PIP5K1C: variants seen among roughly 807,000 people sequenced by gnomAD.
PIP5K1C encodes phosphatidylinositol 4-phosphate 5-kinase type-1 gamma.
PIP5K1C carries 45 observed loss-of-function variants against 80.1 expected under a neutral mutation model. That is an observed-to-expected ratio of 0.56 (90% CI 0.44 to 0.72). PIP5K1C has a LOEUF of 0.72. Ranked by LOEUF, PIP5K1C falls within the 30% of genes least tolerant of loss-of-function variation. The probability of loss-of-function intolerance (pLI) is 0.00; values close to 1 mark genes in which losing one functional copy is unlikely to be tolerated. For missense variants in PIP5K1C, 753 were observed against 954.6 expected, an observed-to-expected ratio of 0.79 and a Z score of 2.78; for synonymous variants, 498 against 420.1, an observed-to-expected ratio of 1.19 and a Z score of -2.27.
Position 3,688,801 on chromosome 19 carries a change from GA to G in PIP5K1C, c.94+11495del, listed in dbSNP as rs1390205332. Among the ~76,000 whole-genome samples the G allele has an allele frequency of 2.0e-5, 3 of 152,056 alleles. No individual in the cohort carries two copies. The highest frequency in any genetic ancestry group is 1.3e-4 in the Admixed American group (2 of 15,264). On this transcript the variant is annotated intron_variant, in intron 1 of 17. Coordinates refer to ENST00000335312, the MANE Select transcript of PIP5K1C (RefSeq NM_012398.3). The surrounding 1 kb of genome is among the most constrained non-coding windows in gnomAD (Gnocchi z 5.3). ...GACACACCGAGCTGGTGGGCCGGGG[GA>G]GGGGGACCCACACCCACGTCGCCAT...
At chr19:3,653,627 G>T in intron 6 of PIP5K1C, 38 bp from the exon 7 acceptor site, 1 of 1,579,238 alleles carries the variant, frequency 6.3e-7, no homozygotes, top group East Asian at 2.2e-5. Flanking sequence ...AGGGCGGCTG[G>T]GCCACAGACT....
At chr19:3,678,782 G>A (rs1312079213) in intron 1 of PIP5K1C, among the ~76,000 whole-genome samples, 1 of 134,444 alleles carries the variant, frequency 7.4e-6, no homozygotes, top group Non-Finnish European at 1.6e-5. Flanking sequence ...ACGGAGGGAG[G>A]GATGGAGGGA....
chr19:3,685,651 A>G (rs2035737892), intron 1 of PIP5K1C, among the ~76,000 whole-genome samples: 1 of 151,416 alleles, frequency 6.6e-6, no homozygotes, highest in Middle Eastern at 3.2e-3. Flanking sequence ...AATGGCGTGA[A>G]CCCGGGAGGC....
intron 1 of PIP5K1C, among the ~76,000 whole-genome samples, chr19:3,671,317 C>T (rs1395232254): frequency 2.0e-5 from 3 of 152,270 alleles, no homozygotes; most frequent in Non-Finnish European, 2.9e-5. Flanking sequence ...CTCCCTACGG[C>T]CCCGGGACCC....
chr19:3,644,791 G>A (rs946187334), intron 11 of PIP5K1C, among the ~76,000 whole-genome samples: 3 of 152,196 alleles, frequency 2.0e-5, no homozygotes, highest in East Asian at 1.9e-4. Context: ...GTGATGTCCC[G>A]CACAGGGCCA....
In PIP5K1C at chr19:3,648,451, C is replaced by T. The variant is rs766209826; in HGVS notation, c.1211+174G>A. Reference sequence around the variant, plus strand: ...CGGCTGTTTCCACGGGCAAGCGCCTCTGTGCATGGGTGTCCTGGGGGCGCC... The same window carrying T: ...CGGCTGTTTCCACGGGCAAGCGCCTTTGTGCATGGGTGTCCTGGGGGCGCC... On this transcript the variant is annotated intron_variant, in intron 9 of 17. Coordinates refer to ENST00000335312, the MANE Select transcript of PIP5K1C (RefSeq NM_012398.3). This position sits in a 1 kb window ranked among gnomAD's most constrained non-coding sequence, Gnocchi z 4.3. Among the ~76,000 whole-genome samples the T allele has an allele frequency of 3.2e-4, 48 of 152,186 alleles. No homozygotes were observed. Among genetic ancestry groups the T allele is most frequent in the Non-Finnish European group, 5.7e-4 (39 of 68,026 alleles).
chr19:3,655,881 C>G (rs2034606391), intron 6 of PIP5K1C, among the ~76,000 whole-genome samples: 2 of 152,224 alleles, frequency 1.3e-5, no homozygotes, highest in Admixed American at 6.5e-5. Context: ...CTCCTACTCC[C>G]CCCTCCCGGG....
Position 3,656,386 on chromosome 19 carries a change from C to T in PIP5K1C, c.621+19G>A, listed in dbSNP as rs751079884. The T allele has an allele frequency of 1.9e-5, 31 of 1,612,722 alleles. No individual in the cohort carries two copies. Among genetic ancestry groups the T allele is most frequent in the African/African-American group, 5.3e-5 (4 of 74,936 alleles). ...GGGTTGACCGAGGAGCCATCTGCCCCGCAGGGCGGGCCACGCACCATGTAG... is the reference window on the plus strand; with the variant it reads ...GGGTTGACCGAGGAGCCATCTGCCCTGCAGGGCGGGCCACGCACCATGTAG... On this transcript the variant is annotated intron_variant, in intron 6 of 17. Transcript: ENST00000335312.
intron 5 of PIP5K1C, among the ~76,000 whole-genome samples, chr19:3,657,178 CT>C (rs1334840063): frequency 6.6e-6 from 1 of 152,198 alleles, no homozygotes; most frequent in African/African-American, 2.4e-5. Context: ...TTCTCTGCCC[CT>C]TTTTCTCAGC....
Position 3,664,907 on chromosome 19 carries a change from G to A in PIP5K1C, c.134C>T (p.Ser45Phe). The A allele has an allele frequency of 6.2e-7, 1 of 1,612,792 alleles. No individual in the cohort carries two copies. The highest frequency in any genetic ancestry group is 8.5e-7 in the Non-Finnish European group (1 of 1,179,650). Residue 45 changes from serine (S) to phenylalanine (F), a missense_variant, in exon 3 of 18, where the codon TCC becomes TTC. This residue lies in a region of PIP5K1C where 78 missense variants were observed against 67.1 expected (regional missense o/e 1.16). Coordinates refer to ENST00000335312, the MANE Select transcript of PIP5K1C (RefSeq NM_012398.3). ...QKKAAPTEVL[S>F]MTAQPGPGHG... is the part of the protein sequence containing the mutation. ...GCCAGGGCCCGGCTGTGCCGTCATG[G>A]ACAGAACCTGGGAAGAGGAAGCAGG... is the stretch of plus-strand genomic sequence containing the variant.
chr19:3,634,837 C>T (rs2033611477), intron 16 of PIP5K1C, among the ~76,000 whole-genome samples: 1 of 152,252 alleles, frequency 6.6e-6, no homozygotes, highest in South Asian at 2.1e-4. Flanking sequence ...TGTTCCCGGG[C>T]CCTGGGCACC....
At chr19:3,668,896 C>T (rs2035109079) in intron 1 of PIP5K1C, among the ~76,000 whole-genome samples, 2 of 152,196 alleles carry the variant, frequency 1.3e-5, no homozygotes, top group Admixed American at 1.3e-4. Flanking sequence ...GTGGCTGAGG[C>T]AGCCACGCTG....
chr19:3,687,859 T>C (rs2035812398), intron 1 of PIP5K1C, among the ~76,000 whole-genome samples: 1 of 152,074 alleles, frequency 6.6e-6, no homozygotes, highest in Non-Finnish European at 1.5e-5. Context: ...GCCAGGCCGG[T>C]AAACAGGAAG....
intron 7 of PIP5K1C, among the ~76,000 whole-genome samples, chr19:3,652,655 A>G (rs79279908): frequency 0.032 from 4,822 of 152,318 alleles, 89 homozygotes; most frequent in Middle Eastern, 0.058. Context: ...AGAGCCGTGC[A>G]TATCATTCTT....
rs1230830352 is a variant in PIP5K1C, at chr19:3,661,975, G to A, written c.246C>T (p.Ala82=). 1 of 1,606,870 alleles carries A rather than the reference G, an allele frequency of 6.2e-7. No individual in the cohort carries two copies. The highest frequency in any genetic ancestry group is 2.2e-5 in the East Asian group (1 of 44,566). The change falls in exon 4 of 18, where the codon GCC becomes GCT. Residue 82 remains alanine (A), a synonymous_variant. Coordinates refer to ENST00000335312, the MANE Select transcript of PIP5K1C (RefSeq NM_012398.3). ...KKTTSSTLKG[A]IQLGIGYTVG... is the part of the protein sequence containing the mutation. ...CGGTGTAGCCGATGCCCAGCTGGAT[G>A]GCACCCTTCAGGGTGGAGGAGGTGG...
Position 3,700,440 on chromosome 19 carries a change from A to ACCG in PIP5K1C, c.-53_-51dup. On this transcript the variant is annotated 5_prime_UTR_variant, in exon 1 of 18. Coordinates refer to ENST00000335312, the MANE Select transcript of PIP5K1C (RefSeq NM_012398.3). ...GCGCCCGAGGGGGACCCGAGCTGCG[A>ACCG]CCGCCGCCGCCGAACAACAAGCGCC... The ACCG allele has an allele frequency of 1.0e-6, 1 of 974,588 alleles. No individual in the cohort carries two copies. The highest frequency in any genetic ancestry group is 1.2e-6 in the Non-Finnish European group (1 of 809,914). 60.4% of individuals were successfully genotyped at this position (974,588 alleles called of 1,614,324 possible).
chr19:3,699,840 C>A (rs1276831371), intron 1 of PIP5K1C, among the ~76,000 whole-genome samples: 1 of 152,202 alleles, frequency 6.6e-6, no homozygotes, highest in Admixed American at 6.5e-5. Context: ...CCCTTTTCCT[C>A]CCCTCATTTT....
At chr19:3,676,532 C>CCTCT (rs2035365429) in intron 1 of PIP5K1C, among the ~76,000 whole-genome samples, 1 of 152,234 alleles carries the variant, frequency 6.6e-6, no homozygotes, top group African/African-American at 2.4e-5. Context: ...GGCACACTCG[C>CCTCT]CTCTGCCTTC....
chr19:3,643,493 G>A lies in PIP5K1C; in HGVS notation c.1511-112C>T, dbSNP rs111959359. The A allele has an allele frequency of 1.3e-4, 167 of 1,308,964 alleles. No homozygotes were observed. The African/African-American group carries it at 2.0e-3, about 16-fold the overall frequency. The allele number at this position is 1,308,964 out of a possible 1,614,324, so 81.1% of individuals were successfully genotyped here. Reference sequence around the variant, plus strand: ...GGAACCCACAGCCCAGTGCCCGCCCGCCTCCCAGACACTCCCACCTCCCCA... The same window carrying A: ...GGAACCCACAGCCCAGTGCCCGCCCACCTCCCAGACACTCCCACCTCCCCA... On this transcript the variant is annotated intron_variant, in intron 12 of 17. Coordinates refer to ENST00000335312, the MANE Select transcript of PIP5K1C (RefSeq NM_012398.3).
Sources: gnomAD v4.1 joint callset for allele counts (sites outside exome capture counted in the v4.1 genomes callset) on GRCh38, gnomAD v4.1.1 for gene constraint, gnomAD v4.1.1 regional missense constraint, Gnocchi (gnomAD v3.1) non-coding constraint, MANE v1.5 for transcripts, NCBI Gene and HGNC (gene_info 2026-07-23, HGNC 2026-07-21) for gene names.